PCDHA3: variants seen among roughly 807,000 people sequenced by gnomAD.
PCDHA3 encodes protocadherin alpha 3.
A neutral mutation model predicts 62.2 loss-of-function variants in PCDHA3; 41 were observed. The observed-to-expected ratio is 0.66, with a 90% CI of 0.51 to 0.86. PCDHA3 has a LOEUF of 0.86. PCDHA3 is among the 40% of genes least tolerant of loss of function. The probability of loss-of-function intolerance (pLI) is 0.00; values close to 1 mark genes in which losing one functional copy is unlikely to be tolerated. For missense variants in PCDHA3, 1,304 were observed against 1,241.2 expected (o/e 1.05, Z -0.76); for synonymous variants, 640 against 555.4 (o/e 1.15, Z -2.14).
At chr5:140,805,845 C>T (rs182646710) in intron 1 of PCDHA3, among the ~76,000 whole-genome samples, 5 of 152,082 alleles carry the variant, frequency 3.3e-5, no homozygotes, top group African/African-American at 7.2e-5. Flanking sequence ...ACTAGATATG[C>T]GATCACCTTA....
chr5:140,893,530 A>G (rs2064036357), intron 1 of PCDHA3, among the ~76,000 whole-genome samples: 1 of 152,056 alleles, frequency 6.6e-6, no homozygotes, highest in South Asian at 2.1e-4. Context: ...TCCTTTAAGT[A>G]TTTCTTGTAG....
intron 1 of PCDHA3, chr5:140,870,393 T>C (rs1554164195): frequency 1.5e-5 from 24 of 1,613,936 alleles, no homozygotes; most frequent in Non-Finnish European, 1.8e-5. Flanking sequence ...GGGATGGGGG[T>C]TCGCCTTCTC....
rs941007574 is a variant in PCDHA3 at position 141,010,090 on chromosome 5, C to G, written c.*153C>G. ...AAGTTCCCTGTGTCTGTCTAGAACG[C>G]ATTTAACAGGTTTTGTCGTAAAAGC... On this transcript the variant is annotated 3_prime_UTR_variant, in exon 4 of 4. Transcript: ENST00000522353. 1.5e-5 allele frequency: 24 copies of G among 1,612,636 alleles called. No homozygotes were observed. Among genetic ancestry groups the G allele is most frequent in the Non-Finnish European group, 2.0e-5 (24 of 1,179,276 alleles).
chr5:140,968,761 T>C (rs782432205), intron 1 of PCDHA3: 1 of 1,614,140 alleles, frequency 6.2e-7, no homozygotes, highest in South Asian at 1.1e-5. Flanking sequence ...TCCGAGATAA[T>C]GGAGAGCCAT....
rs150829264 is a variant in PCDHA3 at position 140,948,791 on chromosome 5, A to G, written c.2395-30158A>G. 2.3e-3 allele frequency among the ~76,000 whole-genome samples: 342 copies of G among 151,342 alleles called. 1 individual carries two copies. Among genetic ancestry groups the G allele is most frequent in the Non-Finnish European group, 4.4e-3 (295 of 67,454 alleles). ...ATAGCCAGCTTTTGGCTTTGTTGAT[A>G]TATTTTCTATTGTTTGGTTTCTATT... On this transcript the variant is annotated intron_variant, in intron 1 of 3. Coordinates refer to ENST00000522353, the MANE Select transcript of PCDHA3 (RefSeq NM_018906.3).
intron 3 of PCDHA3, 112 bp downstream of exon 3, chr5:140,982,675 T>A (rs782533593): frequency 1.3e-4 from 192 of 1,441,664 alleles, no homozygotes; most frequent in Middle Eastern, 9.1e-4. Flanking sequence ...ATTTTTGTTA[T>A]TCCCTTTTTT....
intron 1 of PCDHA3, among the ~76,000 whole-genome samples, chr5:140,935,340 C>T (rs781819548): frequency 3.3e-5 from 5 of 152,172 alleles, no homozygotes; most frequent in African/African-American, 7.2e-5. Context: ...TTCTCCCATA[C>T]GTCAAATCCC....
intron 1 of PCDHA3, chr5:140,875,158 AC>A: frequency 3.0e-6 from 1 of 338,826 alleles, no homozygotes; most frequent in East Asian, 5.5e-5. Flanking sequence ...GTGAAAAATA[AC>A]CCAAAGTCGA....
At chr5:140,953,903 C>T (rs755692840) in intron 1 of PCDHA3, among the ~76,000 whole-genome samples, 1 of 152,120 alleles carries the variant, frequency 6.6e-6, no homozygotes, top group Non-Finnish European at 1.5e-5. Context: ...TTAAGCCCAG[C>T]ATCCATTAGG....
intron 1 of PCDHA3, among the ~76,000 whole-genome samples, chr5:140,923,228 C>A (rs2338302): frequency 1.4e-5 from 1 of 71,808 alleles, no homozygotes; most frequent in South Asian, 4.8e-4. Context: ...TCGTTTGAGC[C>A]CAGAAGTTTG....
At chr5:141,008,723 C>G (rs1480694972) in intron 3 of PCDHA3, among the ~76,000 whole-genome samples, 1 of 152,110 alleles carries the variant, frequency 6.6e-6, no homozygotes, top group Non-Finnish European at 1.5e-5. Flanking sequence ...GAGTGTATGT[C>G]CAACTAGACT....
chr5:140,821,628 A>G (rs1767016951), intron 1 of PCDHA3: 2 of 935,326 alleles, frequency 2.1e-6, no homozygotes, highest in Non-Finnish European at 3.1e-6. Flanking sequence ...TTCCTTAGAC[A>G]GAAAGGAAAA....
At chr5:140,897,167 C>A (rs1271791310) in intron 1 of PCDHA3, among the ~76,000 whole-genome samples, 1 of 152,140 alleles carries the variant, frequency 6.6e-6, no homozygotes, top group Non-Finnish European at 1.5e-5. Flanking sequence ...TACTGTCTAT[C>A]TCCATGGGTT....
At chr5:140,830,038 G>A (rs2150180087) in intron 1 of PCDHA3, 1 of 1,613,882 alleles carries the variant, frequency 6.2e-7, no homozygotes, top group Admixed American at 1.7e-5. Flanking sequence ...GGCTGCTGGT[G>A]CTGGTGAAAG....
At chr5:140,968,563 T>G in intron 1 of PCDHA3, 1 of 1,614,204 alleles carries the variant, frequency 6.2e-7, no homozygotes, top group South Asian at 1.1e-5. Context: ...GAACTGCCCC[T>G]GCTGGCTACC....
At chr5:140,842,039 C>A (rs2150327781) in intron 1 of PCDHA3, 4 of 1,613,698 alleles carry the variant, frequency 2.5e-6, no homozygotes, top group Admixed American at 3.3e-5. Flanking sequence ...TGATAATGCT[C>A]CCACTTTCGA....
At chr5:140,939,911 T>C (rs1554213037) in intron 1 of PCDHA3, among the ~76,000 whole-genome samples, 1 of 152,232 alleles carries the variant, frequency 6.6e-6, no homozygotes, top group African/African-American at 2.4e-5. Flanking sequence ...TTCTTTTTTA[T>C]TCTTTTTGTT....
At chr5:140,821,308 A>G (rs2150109237) in intron 1 of PCDHA3, among the ~76,000 whole-genome samples, 37 of 152,184 alleles carry the variant, frequency 2.4e-4, no homozygotes, top group African/African-American at 8.4e-4. Context: ...TATAAAATAC[A>G]CCAGCACAAA....
intron 1 of PCDHA3, chr5:140,966,789 C>G (rs782194817): frequency 6.5e-7 from 1 of 1,528,572 alleles, no homozygotes; most frequent in East Asian, 2.4e-5. Context: ...GGCACCAGAC[C>G]TGCGGCGACA....
Sources: gnomAD v4.1 joint callset for allele counts (sites outside exome capture counted in the v4.1 genomes callset) on GRCh38, gnomAD v4.1.1 for gene constraint, MANE v1.5 for transcripts, NCBI Gene and HGNC (gene_info 2026-07-23, HGNC 2026-07-21) for gene names.